Variants in PTP4A3 observed in about 807,000 individuals in gnomAD.
PTP4A3 encodes the protein protein tyrosine phosphatase 4A3, also known as protein tyrosine phosphatase type IVA 3.
PTP4A3 carries 9 observed loss-of-function variants against 15.2 expected under a neutral mutation model. The ratio of observed to expected loss-of-function variants is 0.59; its 90% confidence interval spans 0.36 to 1.03. The LOEUF is 1.03. PTP4A3 is among the 50% of genes least tolerant of loss of function. The probability of loss-of-function intolerance (pLI) is 0.02; values close to 1 mark genes in which losing one functional copy is unlikely to be tolerated. For missense variants in PTP4A3, 234 were observed against 252.1 expected, an observed-to-expected ratio of 0.93 and a Z score of 0.49; for synonymous variants, 95 against 102.0, an observed-to-expected ratio of 0.93 and a Z score of 0.41.
Position 141,431,001 on chromosome 8 carries a change from TCAAAGACCCACACACGCA to T in PTP4A3, c.483_500del (p.Asp162_Lys167del), listed in dbSNP as rs760942722. On this transcript the variant is annotated inframe_deletion, in exon 6 of 6. Coordinates refer to ENST00000521578, the MANE Select transcript of PTP4A3 (RefSeq NM_032611.3). ...TACCGGCCCAAACAGAGGCTGCGGTTCAAAGACCCACACACGCACAAGACCCGGTGCTGCGTTATGTAG... is the reference window on the plus strand; with the variant it reads ...TACCGGCCCAAACAGAGGCTGCGGTTCAAGACCCGGTGCTGCGTTATGTAG... 1.2e-6 allele frequency: 2 copies of T among 1,613,148 alleles called. No individual in the cohort carries two copies. The highest frequency in any genetic ancestry group is 2.2e-5 in the South Asian group (2 of 91,084).
rs992746668 is a variant in PTP4A3 at position 141,425,848 on chromosome 8, G to T, written c.198+708G>T. 2.0e-5 allele frequency among the ~76,000 whole-genome samples: 3 copies of T among 152,206 alleles called. No homozygotes were observed. The highest frequency in any genetic ancestry group is 7.2e-5 in the African/African-American group (3 of 41,452). On this transcript the variant is annotated intron_variant, in intron 3 of 5. Transcript: ENST00000521578. This position sits in a 1 kb window ranked among gnomAD's most constrained non-coding sequence, Gnocchi z 4.2. ...AGCTTGGCGGTTTGGAATGGTGGCA[G>T]CGCTGGCGGTTTGGGGTCAGACAGG...
At chr8:141,423,288 C>T (rs1008079674) in intron 2 of PTP4A3, among the ~76,000 whole-genome samples, 3 of 152,208 alleles carry the variant, frequency 2.0e-5, no homozygotes, top group African/African-American at 4.8e-5. Flanking sequence ...CTGTCCCTCT[C>T]GCAGCTGAGA....
chr8:141,396,867 C>A (rs567467763), intron 1 of PTP4A3, among the ~76,000 whole-genome samples: 1 of 152,132 alleles, frequency 6.6e-6, no homozygotes, highest in Admixed American at 6.5e-5. Flanking sequence ...GCACTGAGCC[C>A]GCTGGGGTTC....
intron 1 of PTP4A3, among the ~76,000 whole-genome samples, chr8:141,418,714 T>C (rs1833174923): frequency 6.6e-6 from 1 of 151,402 alleles, no homozygotes; most frequent in Non-Finnish European, 1.5e-5. Context: ...CTGGTGGGGG[T>C]GGTAGCGACT....
At position 141,421,877 on chromosome 8, in the gene PTP4A3, TG is replaced by T. The variant is rs1266242347; in HGVS notation, c.-362del. On this transcript the variant is annotated 5_prime_UTR_variant, in exon 2 of 6. Coordinates refer to ENST00000521578, the MANE Select transcript of PTP4A3 (RefSeq NM_032611.3). Reference sequence around the variant, plus strand: ...TTAAGTTTTCTTTGCTGAGCTTTTTTGGTTGTTCTTTTTATTTTTTGCCTCT... The same window carrying T: ...TTAAGTTTTCTTTGCTGAGCTTTTTTGTTGTTCTTTTTATTTTTTGCCTCT... 2 of 212,846 alleles carry T rather than the reference TG, an allele frequency of 9.4e-6. No homozygotes were observed. The highest frequency in any genetic ancestry group is 1.8e-5 in the Non-Finnish European group (2 of 108,234). 13.2% of individuals were successfully genotyped at this position (212,846 alleles called of 1,614,324 possible). A position where few individuals can be genotyped will look rare whatever the true frequency, so the allele number is the denominator to read the frequency against.
chr8:141,411,539 C>T (rs1441558149), intron 1 of PTP4A3, among the ~76,000 whole-genome samples: 5 of 152,242 alleles, frequency 3.3e-5, no homozygotes, highest in African/African-American at 1.2e-4. Context: ...TGTGACCTTC[C>T]GCAGCCAGCT....
At chr8:141,415,003 G>C in intron 1 of PTP4A3, among the ~76,000 whole-genome samples, 1 of 151,878 alleles carries the variant, frequency 6.6e-6, no homozygotes, top group South Asian at 2.1e-4. Flanking sequence ...ATGGGGTGGG[G>C]GTTGGGTGTG....
At chr8:141,392,468 AT>A in intron 1 of PTP4A3, 1 of 152,216 alleles carries the variant, frequency 6.6e-6, no homozygotes, top group Non-Finnish European at 1.5e-5. Flanking sequence ...TTCACGGCTC[AT>A]TTTCCTCAGC....
chr8:141,416,667 C>T (rs1480801397), intron 1 of PTP4A3, among the ~76,000 whole-genome samples: 5 of 152,060 alleles, frequency 3.3e-5, no homozygotes, highest in African/African-American at 9.7e-5. Flanking sequence ...GCAGGCAGGG[C>T]TACCTGGCTT....
chr8:141,409,336 C>A (rs1832808766), intron 1 of PTP4A3, among the ~76,000 whole-genome samples: 1 of 152,232 alleles, frequency 6.6e-6, no homozygotes. Context: ...CTCCCTCCAT[C>A]CCCAGATCCA....
In PTP4A3 at chr8:141,421,647, G is replaced by GCCTCTGACCAC. The variant is rs1833335444; in HGVS notation, c.-594_-593insCCTCTGACCAC. ...CAGGCCCCACACGTCAGAGGCCGCT[G>GCCTCTGACCAC]TCCCCACGGCCACTGCCCGTGACCC... is the stretch of plus-strand genomic sequence containing the variant. On this transcript the variant is annotated 5_prime_UTR_variant, in exon 2 of 6. Transcript: ENST00000521578. 6.5e-6 allele frequency: 1 copy of GCCTCTGACCAC among 153,068 alleles called. No homozygotes were observed. The highest frequency in any genetic ancestry group is 2.4e-5 in the African/African-American group (1 of 41,490). The allele number at this position is 153,068 out of a possible 1,614,324, so 9.5% of individuals were successfully genotyped here.
At position 141,431,092 on chromosome 8, in the gene PTP4A3, C is replaced by G; in HGVS notation, c.*48C>G. On this transcript the variant is annotated 3_prime_UTR_variant, in exon 6 of 6. Transcript: ENST00000521578. ...GTCGTCATGTAGGTCAGGACCTTGG[C>G]TGGACCTGGAGGCCCTGCCCAGCCC... 6.3e-7 allele frequency: 1 copy of G among 1,582,350 alleles called. No individual in the cohort carries two copies. The highest frequency in any genetic ancestry group is 1.1e-5 in the South Asian group (1 of 90,448).
At chr8:141,418,698 G>A (rs1016215692) in intron 1 of PTP4A3, among the ~76,000 whole-genome samples, 1 of 152,130 alleles carries the variant, frequency 6.6e-6, no homozygotes, top group Admixed American at 6.5e-5. Context: ...GCTGTGGGCC[G>A]CGGGCCTGGT....
chr8:141,399,609 C>T (rs1832535817), intron 1 of PTP4A3, among the ~76,000 whole-genome samples: 1 of 152,254 alleles, frequency 6.6e-6, no homozygotes, highest in Admixed American at 6.5e-5. Flanking sequence ...CCCCGGCCCC[C>T]ACAGCAGATG....
intron 1 of PTP4A3, among the ~76,000 whole-genome samples, chr8:141,403,667 A>C (rs1160930698): frequency 6.6e-6 from 1 of 152,248 alleles, no homozygotes; most frequent in Non-Finnish European, 1.5e-5. Flanking sequence ...CACTGAAGTA[A>C]ATGTGAGCTA....
chr8:141,418,721 G>A (rs571369460), intron 1 of PTP4A3, among the ~76,000 whole-genome samples: 19 of 152,292 alleles, frequency 1.2e-4, no homozygotes, highest in Admixed American at 5.9e-4. Flanking sequence ...GGGTGGTAGC[G>A]ACTCAGGACA....
chr8:141,409,333 C>T (rs1030723663), intron 1 of PTP4A3, among the ~76,000 whole-genome samples: 3 of 152,218 alleles, frequency 2.0e-5, no homozygotes, highest in African/African-American at 4.8e-5. Flanking sequence ...GAGCTCCCTC[C>T]ATCCCCAGAT....
intron 1 of PTP4A3, among the ~76,000 whole-genome samples, chr8:141,405,870 T>G (rs1188364521): frequency 6.6e-6 from 1 of 151,884 alleles, no homozygotes; most frequent in South Asian, 2.1e-4. Flanking sequence ...GCTCCTGGCC[T>G]CCAGCACAGG....
At chr8:141,422,695 C>T (rs1329683166) in intron 2 of PTP4A3, among the ~76,000 whole-genome samples, 1 of 152,184 alleles carries the variant, frequency 6.6e-6, no homozygotes, top group African/African-American at 2.4e-5. Context: ...GGCTGGGGCC[C>T]TCCCGAGCCC....
Sources: gnomAD v4.1 joint callset for allele counts (sites outside exome capture counted in the v4.1 genomes callset) on GRCh38, gnomAD v4.1.1 for gene constraint, Gnocchi (gnomAD v3.1) non-coding constraint, MANE v1.5 for transcripts, NCBI Gene and HGNC (gene_info 2026-07-23, HGNC 2026-07-21) for gene names.